Variants in DYNC1I1 observed in about 807,000 individuals in gnomAD.
DYNC1I1 encodes the protein cytoplasmic dynein 1 intermediate chain 1.
A neutral mutation model predicts 86.6 loss-of-function variants in DYNC1I1; 43 were observed. The observed-to-expected ratio is 0.50, with a 90% CI of 0.39 to 0.64. DYNC1I1 has a LOEUF of 0.64. DYNC1I1 is among the 30% of genes least tolerant of loss of function. The pLI is 0.00. For synonymous variants in DYNC1I1, 262 were observed against 283.7 expected (o/e 0.92, Z 0.77); for missense variants, 604 against 788.8 (o/e 0.77, Z 2.81).
chr7:95,884,058 C>T (rs1790527990), intron 6 of DYNC1I1, among the ~76,000 whole-genome samples: 1 of 152,104 alleles, frequency 6.6e-6, no homozygotes, highest in Non-Finnish European at 1.5e-5. Flanking sequence ...GGAAATTGAT[C>T]TTTGATGATA....
intron 6 of DYNC1I1, among the ~76,000 whole-genome samples, chr7:95,963,242 AC>A (rs895596953): frequency 6.6e-6 from 1 of 151,448 alleles, no homozygotes; most frequent in Non-Finnish European, 1.5e-5. Context: ...TGTTAACCTC[AC>A]CCCTATTTAA....
At position 96,011,620 on chromosome 7, in the gene DYNC1I1, G is replaced by T. The variant is rs577774560; in HGVS notation, c.969+15547G>T. 3.9e-5 allele frequency among the ~76,000 whole-genome samples: 6 copies of T among 152,286 alleles called. No homozygotes were observed. The South Asian group carries it at 1.2e-3, about 32-fold the overall frequency. Reference sequence around the variant, plus strand: ...CTTAAGTCCATCAATAAGTAAATCTGTGAATTTTGTCATTGATATGGTATC... The same window carrying T: ...CTTAAGTCCATCAATAAGTAAATCTTTGAATTTTGTCATTGATATGGTATC... On this transcript the variant is annotated intron_variant, in intron 10 of 16. Transcript: ENST00000447467.
At chr7:96,028,796 A>G (rs1282864525) in intron 11 of DYNC1I1, among the ~76,000 whole-genome samples, 1 of 152,232 alleles carries the variant, frequency 6.6e-6, no homozygotes, top group Admixed American at 6.5e-5. Context: ...AAGTCTCAAC[A>G]TAAAGTCTAC....
chr7:95,839,422 G>A (rs952512130), intron 5 of DYNC1I1, among the ~76,000 whole-genome samples: 55 of 152,204 alleles, frequency 3.6e-4, no homozygotes, highest in African/African-American at 1.3e-3. Flanking sequence ...TGAGCTGATA[G>A]CATTTTCTCT....
intron 14 of DYNC1I1, among the ~76,000 whole-genome samples, chr7:96,049,007 C>G (rs1456123272): frequency 6.6e-6 from 1 of 152,110 alleles, no homozygotes; most frequent in Admixed American, 6.6e-5. Flanking sequence ...CGCCTGTAGT[C>G]CCAGCACTTT....
intron 14 of DYNC1I1, among the ~76,000 whole-genome samples, chr7:96,066,354 C>A (rs1381181847): frequency 6.6e-6 from 1 of 152,240 alleles, no homozygotes; most frequent in African/African-American, 2.4e-5. Context: ...CTACCACCCC[C>A]AATCTTCAAA....
chr7:95,848,986 T>A (rs1268505535), intron 5 of DYNC1I1, among the ~76,000 whole-genome samples: 3 of 152,174 alleles, frequency 2.0e-5, no homozygotes, highest in Non-Finnish European at 2.9e-5. Flanking sequence ...TTAATGATGT[T>A]GAGCATTTTT....
intron 16 of DYNC1I1, among the ~76,000 whole-genome samples, chr7:96,095,303 A>G (rs1294037705): frequency 2.6e-5 from 4 of 152,262 alleles, no homozygotes; most frequent in South Asian, 4.1e-4. Context: ...GCCGTTTCTG[A>G]ACAGTCTTGC....
At chr7:95,948,318 T>C (rs1304352959) in intron 6 of DYNC1I1, among the ~76,000 whole-genome samples, 1 of 152,098 alleles carries the variant, frequency 6.6e-6, no homozygotes, top group Non-Finnish European at 1.5e-5. Context: ...GAAAGTGAGG[T>C]TGAAGCTGCA....
chr7:96,036,091 C>T (rs1375034423), intron 13 of DYNC1I1, among the ~76,000 whole-genome samples: 1 of 152,184 alleles, frequency 6.6e-6, no homozygotes, highest in Non-Finnish European at 1.5e-5. Context: ...CCCTCCATGC[C>T]TCAATGAGTT....
intron 11 of DYNC1I1, among the ~76,000 whole-genome samples, chr7:96,031,194 T>C (rs1794800003): frequency 6.6e-6 from 1 of 152,148 alleles, no homozygotes; most frequent in Non-Finnish European, 1.5e-5. Flanking sequence ...GACAGTTCTG[T>C]TTTATTCTCA....
chr7:96,104,722 C>G (rs1189309372), intron 16 of DYNC1I1, among the ~76,000 whole-genome samples: 2 of 152,098 alleles, frequency 1.3e-5, no homozygotes, highest in Non-Finnish European at 2.9e-5. Context: ...TTCTGTTTCA[C>G]TATTTAATTT....
At chr7:95,776,975 A>G (rs1465925824) in intron 1 of DYNC1I1, among the ~76,000 whole-genome samples, 1 of 152,218 alleles carries the variant, frequency 6.6e-6, no homozygotes, top group Non-Finnish European at 1.5e-5. Context: ...GGAGCCAGAT[A>G]GTGGAAGGGC....
Position 95,835,014 on chromosome 7 carries a change from C to T in DYNC1I1, c.374+6898C>T, listed in dbSNP as rs1789036383. Among the ~76,000 whole-genome samples, 3 of 122,046 alleles carry T rather than the reference C, an allele frequency of 2.5e-5. No individual in the cohort carries two copies. The Admixed American group carries it at 2.7e-4, about 11-fold the overall frequency. 80.1% of individuals were successfully genotyped at this position (122,046 alleles called of 152,430 possible). On this transcript the variant is annotated intron_variant, in intron 5 of 16. Coordinates refer to ENST00000447467, the MANE Select transcript of DYNC1I1 (RefSeq NM_001135556.2). ...TTAGTTATTTCTTGCCTTCTGCTAG[C>T]TTTTGAATGTGTTTGCTCTTGCTTT...
intron 6 of DYNC1I1, among the ~76,000 whole-genome samples, chr7:95,870,599 C>T (rs906375683): frequency 2.6e-5 from 4 of 152,220 alleles, no homozygotes; most frequent in Admixed American, 6.5e-5. Flanking sequence ...TAACAACACA[C>T]GAGAGTTTCT....
chr7:95,807,339 C>G (rs1794723739), intron 2 of DYNC1I1, among the ~76,000 whole-genome samples: 1 of 152,034 alleles, frequency 6.6e-6, no homozygotes, highest in South Asian at 2.1e-4. Flanking sequence ...AGAGCCAGGC[C>G]CCCTTTATCT....
chr7:95,844,752 TG>T (rs1164246304), intron 5 of DYNC1I1, among the ~76,000 whole-genome samples: 1 of 152,040 alleles, frequency 6.6e-6, no homozygotes, highest in Non-Finnish European at 1.5e-5. Flanking sequence ...GCCATCAGAT[TG>T]TCAGAAATGC....
Position 96,080,562 on chromosome 7 carries a change from CA to C in DYNC1I1, c.1776+76del. 2.5e-6 allele frequency: 4 copies of C among 1,612,486 alleles called. No homozygotes were observed. The African/African-American group carries it at 5.3e-5, about 21-fold the overall frequency. On this transcript the variant is annotated intron_variant, in intron 16 of 16. Transcript: ENST00000447467. ...TTTAGAAACCTAGTGAAATTATTAG[CA>C]AGAACTTGTAGGCCACAAGGACCCT...
chr7:95,902,025 C>A (rs1584142769), intron 6 of DYNC1I1, among the ~76,000 whole-genome samples: 1 of 152,160 alleles, frequency 6.6e-6, no homozygotes, highest in Non-Finnish European at 1.5e-5. Context: ...CATGAGCTGC[C>A]AGATGGGTTG....
Sources: gnomAD v4.1 joint callset for allele counts (sites outside exome capture counted in the v4.1 genomes callset) on GRCh38, gnomAD v4.1.1 for gene constraint, MANE v1.5 for transcripts, NCBI Gene and HGNC (gene_info 2026-07-23, HGNC 2026-07-21) for gene names.